The following PRKCA variants were observed in gnomAD, a reference collection of about 807,000 sequenced individuals.
PRKCA encodes the protein protein kinase C alpha type.
A neutral mutation model predicts 87.0 loss-of-function variants in PRKCA; 27 were observed. That is an observed-to-expected ratio of 0.31 (90% CI 0.23 to 0.43). PRKCA has a LOEUF of 0.43. PRKCA is among the 20% of genes least tolerant of loss of function. The probability of loss-of-function intolerance (pLI) is 1.00; values close to 1 mark genes in which losing one functional copy is unlikely to be tolerated. For synonymous variants in PRKCA, 329 were observed against 311.1 expected, an observed-to-expected ratio of 1.06 and a Z score of -0.61; for missense variants, 518 against 852.3, an observed-to-expected ratio of 0.61 and a Z score of 4.88.
rs1555650885 is a variant in PRKCA at position 66,798,968 on chromosome 17, A to ATGGTGGTGGTGGTGGTGG, written c.1855-4845_1855-4828dup. On this transcript the variant is annotated intron_variant, in intron 16 of 16. Coordinates refer to ENST00000413366, the MANE Select transcript of PRKCA (RefSeq NM_002737.3). ...GGTGGTGGTGGTGGTGGTGGTGGTG[A>ATGGTGGTGGTGGTGGTGG]TGGTGGTGGTGGTGGTGGTGGTGGT... is the stretch of plus-strand genomic sequence containing the variant. Among the ~76,000 whole-genome samples, 44 of 10,922 alleles carry ATGGTGGTGGTGGTGGTGG rather than the reference A, an allele frequency of 4.0e-3. 11 individuals are homozygous for ATGGTGGTGGTGGTGGTGG. The highest frequency in any genetic ancestry group is 0.013 in the South Asian group (2 of 156). The allele number at this position is 10,922 out of a possible 152,430, so 7.2% of individuals were successfully genotyped here.
intron 2 of PRKCA, among the ~76,000 whole-genome samples, chr17:66,485,182 A>T (rs531049611): frequency 6.6e-6 from 1 of 152,332 alleles, no homozygotes; most frequent in East Asian, 1.9e-4. Flanking sequence ...GTACATCAGT[A>T]AACATTTGCT....
chr17:66,363,048 G>A (rs1284609141), intron 2 of PRKCA, among the ~76,000 whole-genome samples: 2 of 152,126 alleles, frequency 1.3e-5, no homozygotes, highest in African/African-American at 4.8e-5. Context: ...TAGCATCCTA[G>A]AGGTCTTAGA....
At chr17:66,473,138 A>AT (rs1915394046) in intron 2 of PRKCA, among the ~76,000 whole-genome samples, 1 of 150,068 alleles carries the variant, frequency 6.7e-6, no homozygotes, top group African/African-American at 2.5e-5. Context: ...AGTATTGCAT[A>AT]TTTTTACCTG....
intron 14 of PRKCA, chr17:66,778,355 T>A (rs1279642389): frequency 1.7e-5 from 8 of 477,134 alleles, no homozygotes; most frequent in African/African-American, 1.5e-4. Context: ...CTACTAAAAA[T>A]GCAAAAAAAA....
At chr17:66,716,787 T>TCAGGGTC (rs1973486395) in intron 8 of PRKCA, among the ~76,000 whole-genome samples, 1 of 152,210 alleles carries the variant, frequency 6.6e-6, no homozygotes, top group Admixed American at 6.5e-5. Flanking sequence ...TGCCAACACG[T>TCAGGGTC]CAGGGTCCCA....
rs1173120345 is a variant in PRKCA at position 66,804,015 on chromosome 17, C to T, written c.1997C>T (p.Pro666Leu). Residue 666 changes from proline to leucine, a missense_variant, in exon 17 of 17, where the codon CCC (proline) becomes CTC (leucine). By Grantham distance (98) the Pro-to-Leu change is moderately conservative. This residue lies in a region of PRKCA where 159 missense variants were observed against 232.4 expected (regional missense o/e 0.68). Transcript: ENST00000413366. ...TATGTCAACCCCCAGTTTGTGCACC[C>T]CATCTTACAGAGTGCAGTATGAAAC... ...FSYVNPQFVH[P>L]ILQSAV 1.9e-6 allele frequency: 3 copies of T among 1,613,448 alleles called. No homozygotes were observed. The highest frequency in any genetic ancestry group is 1.3e-5 in the African/African-American group (1 of 74,882).
chr17:66,448,036 C>T (rs142185433), intron 2 of PRKCA, among the ~76,000 whole-genome samples: 162 of 152,248 alleles, frequency 1.1e-3, no homozygotes, highest in African/African-American at 3.8e-3. Context: ...TCTAGGAGCA[C>T]TCAAAAGTGA....
intron 12 of PRKCA, 48 bp from the exon 13 acceptor site, chr17:66,742,574 C>A: frequency 6.3e-7 from 1 of 1,596,382 alleles, no homozygotes; most frequent in South Asian, 1.1e-5. Flanking sequence ...CAAAGCAAAC[C>A]ATGTTATGTC....
intron 5 of PRKCA, among the ~76,000 whole-genome samples, chr17:66,661,456 G>A (rs1470975132): frequency 1.3e-5 from 2 of 152,188 alleles, no homozygotes; most frequent in African/African-American, 4.8e-5. Flanking sequence ...CTTCTACTTC[G>A]ATGCTCCTTT....
chr17:66,427,578 G>A (rs536820919), intron 2 of PRKCA, among the ~76,000 whole-genome samples: 9 of 152,324 alleles, frequency 5.9e-5, no homozygotes, highest in Non-Finnish European at 8.8e-5. Flanking sequence ...GCCTTGTTTT[G>A]TACCTCTTAA....
intron 3 of PRKCA, among the ~76,000 whole-genome samples, chr17:66,536,770 G>T (rs1371715457): frequency 6.6e-6 from 1 of 152,246 alleles, no homozygotes; most frequent in African/African-American, 2.4e-5. Flanking sequence ...GTTTTCTGCA[G>T]TGGATCCTGT....
At chr17:66,576,585 AT>A (rs1477246851) in intron 3 of PRKCA, among the ~76,000 whole-genome samples, 1 of 152,188 alleles carries the variant, frequency 6.6e-6, no homozygotes, top group Non-Finnish European at 1.5e-5. Flanking sequence ...CTGAAATTTC[AT>A]TTCTGCTGTT....
At chr17:66,731,775 C>CTTT (rs796884841) in intron 8 of PRKCA, among the ~76,000 whole-genome samples, 18 of 71,420 alleles carry the variant, frequency 2.5e-4, no homozygotes, top group South Asian at 7.0e-4. Context: ...TGCTCCCTTT[C>CTTT]TTTTTTTTTT....
intron 2 of PRKCA, among the ~76,000 whole-genome samples, chr17:66,367,679 T>G (rs951683244): frequency 5.3e-5 from 8 of 152,194 alleles, no homozygotes; most frequent in African/African-American, 1.7e-4. Flanking sequence ...GCTGTCCTGT[T>G]GTAGTCAAAA....
At chr17:66,323,373 G>A (rs1905795028) in intron 2 of PRKCA, among the ~76,000 whole-genome samples, 1 of 152,194 alleles carries the variant, frequency 6.6e-6, no homozygotes, top group Non-Finnish European at 1.5e-5. Flanking sequence ...TTATGGGTCT[G>A]TTATTGTGGA....
At chr17:66,521,607 A>G (rs181985400) in intron 3 of PRKCA, among the ~76,000 whole-genome samples, 1 of 152,306 alleles carries the variant, frequency 6.6e-6, no homozygotes, top group East Asian at 1.9e-4. Flanking sequence ...TAAACATCCA[A>G]TTATGCAGTG....
At position 66,739,374 on chromosome 17, in the gene PRKCA, A is replaced by G. The variant is rs140240730; in HGVS notation, c.1322+519A>G. Among the ~76,000 whole-genome samples, 35 of 152,356 alleles carry G rather than the reference A, an allele frequency of 2.3e-4. 1 individual carries two copies. The East Asian group carries it at 4.0e-3, about 18-fold the overall frequency. On this transcript the variant is annotated intron_variant, in intron 11 of 16. Coordinates refer to ENST00000413366, the MANE Select transcript of PRKCA (RefSeq NM_002737.3). ...TAAACTGGAGATGTTGCCATATCCC[A>G]TCATCACCCAGGTCCACCCTTGTTG... is the stretch of plus-strand genomic sequence containing the variant.
chr17:66,758,141 C>T (rs948572923), intron 13 of PRKCA, among the ~76,000 whole-genome samples: 61 of 152,340 alleles, frequency 4.0e-4, no homozygotes, highest in Middle Eastern at 3.4e-3. Context: ...CTGCACCAGC[C>T]GTGGGCAGCC....
chr17:66,732,578 C>T, intron 8 of PRKCA, 110 bp from the exon 9 acceptor site: 1 of 1,353,180 alleles, frequency 7.4e-7, no homozygotes, highest in South Asian at 1.2e-5. Flanking sequence ...CCTTTTCTCA[C>T]CCCATCCCAC....
Sources: gnomAD v4.1 joint callset for allele counts (sites outside exome capture counted in the v4.1 genomes callset) on GRCh38, gnomAD v4.1.1 for gene constraint, gnomAD v4.1.1 regional missense constraint, MANE v1.5 for transcripts, NCBI Gene and HGNC (gene_info 2026-07-23, HGNC 2026-07-21) for gene names.